SCAPER: variants seen among roughly 807,000 people sequenced by gnomAD.
SCAPER encodes S-phase cyclin A associated protein in the ER, also known as S phase cyclin A-associated protein in the endoplasmic reticulum.
SCAPER carries 98 observed loss-of-function variants against 182.2 expected under a neutral mutation model. That is an observed-to-expected ratio of 0.54 (90% confidence interval 0.46 to 0.64). SCAPER has a LOEUF of 0.64. Among genes scored for constraint, SCAPER ranks in the 30% least tolerant of loss-of-function variants. SCAPER has a pLI of 0.00. For synonymous variants in SCAPER, 605 were observed against 564.6 expected, an observed-to-expected ratio of 1.07 and a Z score of -1.01; for missense variants, 1,432 against 1,690.0, an observed-to-expected ratio of 0.85 and a Z score of 2.68.
intron 21 of SCAPER, among the ~76,000 whole-genome samples, chr15:76,630,082 C>T (rs1311285646): frequency 6.6e-6 from 1 of 151,918 alleles, no homozygotes; most frequent in Non-Finnish European, 1.5e-5. Flanking sequence ...ATGGTGGGGT[C>T]TATACAGTAT....
At chr15:76,868,797 T>C (rs1286362153) in intron 2 of SCAPER, among the ~76,000 whole-genome samples, 2 of 152,064 alleles carry the variant, frequency 1.3e-5, no homozygotes, top group African/African-American at 2.4e-5. Flanking sequence ...CTAAAACTTA[T>C]ATGGAACACA....
intron 23 of SCAPER, among the ~76,000 whole-genome samples, chr15:76,572,923 A>T (rs1171193355): frequency 2.0e-5 from 3 of 150,328 alleles, no homozygotes; most frequent in African/African-American, 7.4e-5. Context: ...TCTCTCTCAC[A>T]CACACACACA....
intron 25 of SCAPER, among the ~76,000 whole-genome samples, chr15:76,440,576 T>G (rs927204684): frequency 2.6e-5 from 4 of 152,180 alleles, no homozygotes; most frequent in Non-Finnish European, 4.4e-5. Flanking sequence ...TTAGGTTCAC[T>G]GAGAATCAAT....
intron 24 of SCAPER, among the ~76,000 whole-genome samples, chr15:76,494,720 T>C (rs1451661839): frequency 2.0e-5 from 3 of 152,164 alleles, no homozygotes; most frequent in Non-Finnish European, 4.4e-5. Context: ...TTAATTGTTT[T>C]GTTGTGTAGT....
intron 29 of SCAPER, among the ~76,000 whole-genome samples, chr15:76,361,891 T>C (rs961547594): frequency 1.3e-5 from 2 of 152,120 alleles, no homozygotes; most frequent in African/African-American, 4.8e-5. Context: ...CATCAAAAAA[T>C]ACATAATACA....
At chr15:76,621,897 C>T (rs990335850) in intron 21 of SCAPER, 68 bp from the exon 22 acceptor site, 1 of 1,132,486 alleles carries the variant, frequency 8.8e-7, no homozygotes, top group Admixed American at 2.1e-5. Flanking sequence ...AAAATGTTGG[C>T]TGTATTTTTC....
rs112408930 is a variant in SCAPER at position 76,464,952 on chromosome 15, G to A, written c.3078+6260C>T. On this transcript the variant is annotated intron_variant, in intron 25 of 31. Transcript: ENST00000563290. Reference sequence around the variant, plus strand: ...AACAGGCATGAGGTGATATCTCATTGTGGTTTTGATTTGCATTTTCACAGT... The same window carrying A: ...AACAGGCATGAGGTGATATCTCATTATGGTTTTGATTTGCATTTTCACAGT... 2.3e-3 allele frequency among the ~76,000 whole-genome samples: 350 copies of A among 152,160 alleles called. 4 individuals carry two copies. The highest frequency in any genetic ancestry group is 7.8e-3 in the African/African-American group (323 of 41,508).
intron 27 of SCAPER, among the ~76,000 whole-genome samples, chr15:76,397,279 T>G (rs188729472): frequency 1.3e-5 from 2 of 152,072 alleles, no homozygotes; most frequent in African/African-American, 4.8e-5. Flanking sequence ...TGGTCTTTAG[T>G]TTTCTTTTTT....
chr15:76,654,538 A>G (rs1037952037), intron 21 of SCAPER, among the ~76,000 whole-genome samples: 3 of 152,228 alleles, frequency 2.0e-5, no homozygotes, highest in African/African-American at 7.2e-5. Flanking sequence ...AATTAGTTCA[A>G]CCACTGTGGA....
chr15:76,590,895 G>A (rs996597743), intron 22 of SCAPER, among the ~76,000 whole-genome samples: 1 of 152,184 alleles, frequency 6.6e-6, no homozygotes. Flanking sequence ...AGCAACATGA[G>A]TGGAACTGAA....
In SCAPER at chr15:76,426,352, C is replaced by G. The variant is rs1348366876; in HGVS notation, c.3311+7726G>C. On this transcript the variant is annotated intron_variant, in intron 26 of 31. Coordinates refer to ENST00000563290, the MANE Select transcript of SCAPER (RefSeq NM_020843.4). ...CCTCTTTGCTGCCTTGCAGATTGAT[C>G]TCAGACTGCTGTGCTAGCAATGAGT... 3.3e-5 allele frequency among the ~76,000 whole-genome samples: 5 copies of G among 152,298 alleles called. 1 individual carries two copies. In the South Asian group the frequency reaches 1.0e-3, roughly 32 times the overall value.
At chr15:76,464,597 G>C (rs2049451096) in intron 25 of SCAPER, among the ~76,000 whole-genome samples, 1 of 151,950 alleles carries the variant, frequency 6.6e-6, no homozygotes, top group African/African-American at 2.4e-5. Context: ...GTTCAAACTT[G>C]TAGTGTTTAA....
chr15:76,704,221 C>T (rs2059121657), intron 18 of SCAPER, among the ~76,000 whole-genome samples: 1 of 152,132 alleles, frequency 6.6e-6, no homozygotes, highest in South Asian at 2.1e-4. Flanking sequence ...TTAGTAAAAA[C>T]AGGAAATGTT....
intron 25 of SCAPER, among the ~76,000 whole-genome samples, chr15:76,464,190 G>A (rs895234442): frequency 5.9e-5 from 9 of 151,728 alleles, no homozygotes; most frequent in African/African-American, 2.2e-4. Context: ...CTTGGTCCCT[G>A]GCAACCACCA....
At chr15:76,902,292 CA>C (rs1468268789) in intron 1 of SCAPER, among the ~76,000 whole-genome samples, 4 of 152,148 alleles carry the variant, frequency 2.6e-5, no homozygotes, top group Admixed American at 6.6e-5. Flanking sequence ...GGGAATTAAA[CA>C]CAGAATATGT....
chr15:76,639,825 A>G (rs1165701339), intron 21 of SCAPER, among the ~76,000 whole-genome samples: 1 of 152,130 alleles, frequency 6.6e-6, no homozygotes, highest in East Asian at 1.9e-4. Context: ...AAACCACCAT[A>G]TATGTTATTA....
At chr15:76,588,444 G>T (rs1022613471) in intron 22 of SCAPER, among the ~76,000 whole-genome samples, 1 of 152,146 alleles carries the variant, frequency 6.6e-6, no homozygotes, top group African/African-American at 2.4e-5. Flanking sequence ...CATTTGCATG[G>T]AATGTCTTTT....
chr15:76,702,933 T>G lies in SCAPER; in HGVS notation c.2317A>C (p.Ser773Arg). The part of the protein sequence containing the change: ...QRKEKAAELS[S>R]GRHANTDYAP... The stretch of plus-strand genomic sequence containing the variant: ...TAATCAGTATTTGCATGTCGCCCAC[T>G]GCTTAGCTCAGCAGCTTTTTCTTTT... Residue 773 changes from serine (S) to arginine (R), a missense_variant, in exon 19 of 32, where the codon AGT becomes CGT. Coordinates refer to ENST00000563290, the MANE Select transcript of SCAPER (RefSeq NM_020843.4). 1 of 1,611,062 alleles carries G rather than the reference T, an allele frequency of 6.2e-7. No individual in the cohort carries two copies. Among genetic ancestry groups the G allele is most frequent in the East Asian group, 2.2e-5 (1 of 44,694 alleles).
intron 25 of SCAPER, among the ~76,000 whole-genome samples, chr15:76,451,241 T>C (rs2048349145): frequency 6.6e-6 from 1 of 152,242 alleles, no homozygotes; most frequent in Non-Finnish European, 1.5e-5. Context: ...ACTATGAATA[T>C]GCCTCAATTT....
Sources: allele counts gnomAD v4.1 joint callset (sites outside exome capture counted in the v4.1 genomes callset), GRCh38; gene constraint gnomAD v4.1.1; transcripts MANE v1.5; gene names NCBI Gene and HGNC (gene_info 2026-07-23, HGNC 2026-07-21).